EPHB2: variants seen among roughly 807,000 people sequenced by gnomAD.
EPHB2 encodes the protein ephrin type-B receptor 2.
A neutral mutation model predicts 96.4 loss-of-function variants in EPHB2; 18 were observed. That is an observed-to-expected ratio of 0.19 (90% CI 0.13 to 0.28). EPHB2 has a LOEUF of 0.28. EPHB2 is among the 10% of genes least tolerant of loss of function. EPHB2 has a pLI of 1.00. For missense variants in EPHB2, 989 were observed against 1,355.4 expected (o/e 0.73, Z 4.25); for synonymous variants, 506 against 534.1 (o/e 0.95, Z 0.72).
chr1:22,913,798 G>T lies in EPHB2; in HGVS notation c.*228G>T. ...AAAAGAAAACAGATCCTGGGAGGGG[G>T]CGGGAAATACAAGGAATATTTTTTA... On this transcript the variant is annotated 3_prime_UTR_variant, in exon 16 of 16. Transcript: ENST00000374630. This position sits in a 1 kb window ranked among gnomAD's most constrained non-coding sequence, Gnocchi z 4.1. The T allele has an allele frequency of 6.2e-7, 1 of 1,609,922 alleles. No individual in the cohort carries two copies. The highest frequency in any genetic ancestry group is 8.5e-7 in the Non-Finnish European group (1 of 1,178,090).
Position 22,797,487 on chromosome 1 carries a change from G to A in EPHB2, c.811+12411G>A, listed in dbSNP as rs116312149. Among the ~76,000 whole-genome samples, 868 of 152,062 alleles carry A rather than the reference G, an allele frequency of 5.7e-3. 2 individuals are homozygous for A. Among genetic ancestry groups the A allele is most frequent in the Middle Eastern group, 0.01 (3 of 294 alleles). ...TTCATCTCCCGACCTCTCCACCTTG[G>A]AGGGCCCCAGTGCTGTGTCCTTGGC... On this transcript the variant is annotated intron_variant, in intron 3 of 15. Transcript: ENST00000374630.
intron 1 of EPHB2, among the ~76,000 whole-genome samples, chr1:22,738,699 A>G (rs911334926): frequency 6.6e-6 from 1 of 152,196 alleles, no homozygotes; most frequent in African/African-American, 2.4e-5. Flanking sequence ...CATTGTAGCC[A>G]TTTACTCATT....
At chr1:22,788,753 G>GTTTTTTT (rs66554696) in intron 3 of EPHB2, among the ~76,000 whole-genome samples, 1 of 134,162 alleles carries the variant, frequency 7.5e-6, no homozygotes, top group African/African-American at 2.9e-5. Context: ...TTTTGTTTTT[G>GTTTTTTT]TTTTTTTTTT....
intron 1 of EPHB2, among the ~76,000 whole-genome samples, chr1:22,730,451 T>C (rs1484927494): frequency 6.6e-6 from 1 of 152,142 alleles, no homozygotes; most frequent in Non-Finnish European, 1.5e-5. Flanking sequence ...TCCTGCCCTA[T>C]GGAGGTTTTA....
chr1:22,766,869 A>G (rs1644314518), intron 1 of EPHB2, among the ~76,000 whole-genome samples: 1 of 152,346 alleles, frequency 6.6e-6, no homozygotes, highest in Admixed American at 6.5e-5. Flanking sequence ...CCTGGTGAGA[A>G]GGAACCCCAG....
intron 6 of EPHB2, among the ~76,000 whole-genome samples, chr1:22,890,822 C>T (rs894876352): frequency 6.6e-6 from 1 of 152,224 alleles, no homozygotes; most frequent in African/African-American, 2.4e-5. Context: ...CGGCACTTCT[C>T]TCTCCTGCCA....
chr1:22,739,743 G>A (rs116590260), intron 1 of EPHB2, among the ~76,000 whole-genome samples: 3,268 of 152,292 alleles, frequency 0.021, 41 homozygotes, highest in Non-Finnish European at 0.034. Flanking sequence ...GAGTCAGGGT[G>A]AGGAGAAGCT....
At chr1:22,807,557 T>C (rs1475015171) in intron 3 of EPHB2, among the ~76,000 whole-genome samples, 1 of 152,160 alleles carries the variant, frequency 6.6e-6, no homozygotes, top group Non-Finnish European at 1.5e-5. Flanking sequence ...TCCCAGCCTC[T>C]ACCCCCATGG....
chr1:22,747,012 G>A (rs771491566), intron 1 of EPHB2, among the ~76,000 whole-genome samples: 1 of 152,216 alleles, frequency 6.6e-6, no homozygotes, highest in Non-Finnish European at 1.5e-5. Flanking sequence ...GAGAGCAGGA[G>A]AGTCCCTCAG....
chr1:22,911,857 CT>C (rs1640114580), intron 14 of EPHB2, among the ~76,000 whole-genome samples: 1 of 152,174 alleles, frequency 6.6e-6, no homozygotes, highest in Admixed American at 6.5e-5. Context: ...TCAGCCACCC[CT>C]AACTCTCCAG....
In EPHB2 at chr1:22,860,744, C is replaced by T. The variant is rs1645781743; in HGVS notation, c.812-2293C>T. Among the ~76,000 whole-genome samples the T allele has an allele frequency of 6.6e-6, 1 of 152,202 alleles. No individual in the cohort carries two copies. The highest frequency in any genetic ancestry group is 1.5e-5 in the Non-Finnish European group (1 of 68,026). ...ATCTCTAAGGATGGTTCTAGACCTT[C>T]CTGGAAGCCTTGTGCCCCCATTCTG... On this transcript the variant is annotated intron_variant, in intron 3 of 15. Transcript: ENST00000374630. The surrounding 1 kb of genome is among the most constrained non-coding windows in gnomAD (Gnocchi z 4.6).
intron 6 of EPHB2, 32 bp from the exon 7 acceptor site, chr1:22,892,852 C>T (rs751125040): frequency 2.5e-6 from 4 of 1,614,054 alleles, no homozygotes; most frequent in African/African-American, 1.3e-5. Flanking sequence ...TGAGCCACAA[C>T]CTCACTAATT....
chr1:22,821,768 A>G (rs1032478721), intron 3 of EPHB2, among the ~76,000 whole-genome samples: 1 of 152,192 alleles, frequency 6.6e-6, no homozygotes, highest in African/African-American at 2.4e-5. Context: ...CCCAACATGG[A>G]TACAAAAGAT....
chr1:22,862,130 G>C (rs1156638721), intron 3 of EPHB2, among the ~76,000 whole-genome samples: 1 of 152,214 alleles, frequency 6.6e-6, no homozygotes, highest in African/African-American at 2.4e-5. Context: ...AGAAGAGGAA[G>C]GTGGATTTGA....
At position 22,893,367 on chromosome 1, in the gene EPHB2, C is replaced by G. The variant is rs550907220; in HGVS notation, c.1591+321C>G. ...ATCTATAAAATGAAAGCATCACATT[C>G]AATCTGAGAAAGTAAGCATATTTTA... is the stretch of plus-strand genomic sequence containing the variant. On this transcript the variant is annotated intron_variant, in intron 7 of 15. Coordinates refer to ENST00000374630, the MANE Select transcript of EPHB2 (RefSeq NM_017449.5). Among the ~76,000 whole-genome samples, 201 of 152,320 alleles carry G rather than the reference C, an allele frequency of 1.3e-3. 3 individuals are homozygous for G. The South Asian group carries it at 0.038, about 29-fold the overall frequency.
At chr1:22,863,567 C>T (rs1283604963) in intron 4 of EPHB2, among the ~76,000 whole-genome samples, 1 of 152,222 alleles carries the variant, frequency 6.6e-6, no homozygotes, top group Non-Finnish European at 1.5e-5. Flanking sequence ...AGCCCAAGGT[C>T]CTCTAGGAAG....
At chr1:22,884,293 G>A (rs921972214) in intron 6 of EPHB2, among the ~76,000 whole-genome samples, 3 of 151,802 alleles carry the variant, frequency 2.0e-5, no homozygotes, top group African/African-American at 4.8e-5. Flanking sequence ...ATCACCTGAG[G>A]TCAGGAGTTC....
At chr1:22,848,687 T>G (rs956751102) in intron 3 of EPHB2, among the ~76,000 whole-genome samples, 1 of 152,136 alleles carries the variant, frequency 6.6e-6, no homozygotes, top group Non-Finnish European at 1.5e-5. Flanking sequence ...GGGAGAGTGA[T>G]TCCAGGCCTC....
At chr1:22,833,434 T>G (rs1349819340) in intron 3 of EPHB2, among the ~76,000 whole-genome samples, 3 of 152,154 alleles carry the variant, frequency 2.0e-5, no homozygotes, top group African/African-American at 7.2e-5. Flanking sequence ...AAGAGATTTT[T>G]GAAATAGTAG....
Sources: allele counts gnomAD v4.1 joint callset (sites outside exome capture counted in the v4.1 genomes callset), GRCh38; gene constraint gnomAD v4.1.1; non-coding constraint Gnocchi (gnomAD v3.1); transcripts MANE v1.5; gene names NCBI Gene and HGNC (gene_info 2026-07-23, HGNC 2026-07-21).